ZNF600: variants seen among roughly 807,000 people sequenced by gnomAD.
ZNF600 encodes the protein zinc finger protein 600.
A neutral mutation model predicts 7.3 loss-of-function variants in ZNF600; 4 were observed. That is an observed-to-expected ratio of 0.55 (90% confidence interval 0.27 to 1.25). The LOEUF (loss-of-function observed/expected upper bound fraction) is 1.25, where lower values mean the gene tolerates loss of function less well. Among genes scored for constraint, ZNF600 ranks in the 50% most tolerant of loss-of-function variants. The pLI is 0.12. For missense variants in ZNF600, 911 were observed against 922.1 expected (o/e 0.99, Z 0.16); for synonymous variants, 290 against 308.9 (o/e 0.94, Z 0.64).
the ZNF600 span, among the ~76,000 whole-genome samples, chr19:52,803,533 AT>A: frequency 6.6e-6 from 1 of 152,234 alleles, no homozygotes; most frequent in East Asian, 1.9e-4. Flanking sequence ...AGACTGAAGA[AT>A]TCTAAACAAT....
chr19:52,788,243 G>A (rs2062781445), upstream of ZNF600, among the ~76,000 whole-genome samples: 1 of 152,138 alleles, frequency 6.6e-6, no homozygotes, highest in African/African-American at 2.4e-5. Flanking sequence ...TGTGAGGCAG[G>A]ATGCTTCAGA....
chr19:52,789,949 G>A (rs181923735), upstream of ZNF600, among the ~76,000 whole-genome samples: 2 of 152,148 alleles, frequency 1.3e-5, no homozygotes, highest in Admixed American at 1.3e-4. Context: ...AAGGGGGTTT[G>A]TTCCCTGGTG....
the ZNF600 span, among the ~76,000 whole-genome samples, chr19:52,825,941 T>G: frequency 6.6e-6 from 1 of 152,216 alleles, no homozygotes; most frequent in Non-Finnish European, 1.5e-5. Flanking sequence ...TGAGGCAAGA[T>G]TGCGCCACTG....
At chr19:52,789,549 A>T (rs140156377), upstream of ZNF600, among the ~76,000 whole-genome samples, 1 of 152,162 alleles carries the variant, frequency 6.6e-6, no homozygotes. Context: ...CTCTTCACCA[A>T]TGCAATCCAT....
At chr19:52,825,741 T>A in the ZNF600 span, among the ~76,000 whole-genome samples, 1 of 150,972 alleles carries the variant, frequency 6.6e-6, no homozygotes, top group African/African-American at 2.4e-5. Context: ...ATCCCAGCAC[T>A]TCGGGAGGCT....
upstream of ZNF600, among the ~76,000 whole-genome samples, chr19:52,787,245 C>G (rs1358591241): frequency 2.6e-5 from 4 of 151,936 alleles, no homozygotes. Flanking sequence ...CTAAACACAG[C>G]AGGGATGCGG....
intron 2 of ZNF600, among the ~76,000 whole-genome samples, chr19:52,777,819 A>G (rs2062688506): frequency 6.6e-6 from 1 of 152,088 alleles, no homozygotes; most frequent in African/African-American, 2.4e-5. Flanking sequence ...ACTGAGCGAG[A>G]CTCCATCTTA....
chr19:52,786,369 C>T (rs936687135), intron 1 of ZNF600, among the ~76,000 whole-genome samples: 2 of 152,066 alleles, frequency 1.3e-5, no homozygotes, highest in African/African-American at 4.8e-5. Flanking sequence ...CGGGGCGCCG[C>T]GCTCCAGGTG....
At chr19:52,799,306 C>T in the ZNF600 span, 1 of 432,440 alleles carries the variant, frequency 2.3e-6, no homozygotes. Context: ...ATATGTTTTG[C>T]CAGGTATGAA....
chr19:52,810,759 A>C, the ZNF600 span: 1 of 584,404 alleles, frequency 1.7e-6, no homozygotes, highest in Non-Finnish European at 3.0e-6. Context: ...GAAGGGGAAA[A>C]AAAAAGAATA....
chr19:52,798,641 T>C, the ZNF600 span: 2 of 442,198 alleles, frequency 4.5e-6, no homozygotes, highest in Admixed American at 2.6e-5. Context: ...ATGTTTTGCA[T>C]AGGATGAAAC....
the ZNF600 span, chr19:52,807,855 G>C: frequency 8.1e-7 from 1 of 1,237,008 alleles, no homozygotes. Flanking sequence ...TAAACAAAGG[G>C]GACAGTGAAA....
the ZNF600 span, among the ~76,000 whole-genome samples, chr19:52,816,187 C>T: frequency 7.0e-6 from 1 of 143,872 alleles, no homozygotes; most frequent in Admixed American, 7.1e-5. Context: ...AAAATATATA[C>T]ATCATGTGAT....
chr19:52,767,883 C>G (rs1382079148), intron 3 of ZNF600, 111 bp from the exon 6 acceptor site: 3 of 1,408,342 alleles, frequency 2.1e-6, no homozygotes, highest in African/African-American at 2.9e-5. Context: ...TCCCAAATAT[C>G]ATCTTCAAAG....
chr19:52,772,180 C>T (rs2062635342), intron 3 of ZNF600, among the ~76,000 whole-genome samples: 1 of 152,004 alleles, frequency 6.6e-6, no homozygotes, highest in African/African-American at 2.4e-5. Context: ...AGACTTGCAC[C>T]AGGCATAATC....
intron 1 of ZNF600, among the ~76,000 whole-genome samples, chr19:52,785,683 C>T (rs2062757775): frequency 6.6e-6 from 1 of 152,050 alleles, no homozygotes; most frequent in Non-Finnish European, 1.5e-5. Context: ...TTATACCCCT[C>T]TGTCCCCACT....
chr19:52,833,208 G>A, the ZNF600 span, among the ~76,000 whole-genome samples: 2 of 152,154 alleles, frequency 1.3e-5, no homozygotes, highest in Non-Finnish European at 2.9e-5. Context: ...TAGTTTCTCT[G>A]ATCTGGTCCA....
chr19:52,787,124 C>T (rs1275005692), upstream of ZNF600, among the ~76,000 whole-genome samples: 1 of 152,256 alleles, frequency 6.6e-6, no homozygotes, highest in Non-Finnish European at 1.5e-5. Flanking sequence ...TCCATTCACT[C>T]AGGAGGGAGG....
At chr19:52,771,661 A>G (rs942087608) in intron 3 of ZNF600, among the ~76,000 whole-genome samples, 9 of 152,158 alleles carry the variant, frequency 5.9e-5, no homozygotes, top group Non-Finnish European at 1.0e-4. Flanking sequence ...TATTTTTACC[A>G]GAGATGGGGT....
Sources: allele counts gnomAD v4.1 joint callset (sites outside exome capture counted in the v4.1 genomes callset), GRCh38; gene constraint gnomAD v4.1.1; transcripts MANE v1.5; gene names NCBI Gene and HGNC (gene_info 2026-07-23, HGNC 2026-07-21).